Variants in BMAL2 observed in about 807,000 individuals in gnomAD.
BMAL2 encodes basic helix-loop-helix ARNT like 2.
chr12:27,382,259 A>T, the BMAL2 span, among the ~76,000 whole-genome samples: 4 of 152,186 alleles, frequency 2.6e-5, no homozygotes, highest in Admixed American at 6.5e-5. Context: ...GTCCTAAGGG[A>T]GGAAGACCTA....
the BMAL2 span, chr12:27,400,396 T>G: frequency 2.3e-5 from 16 of 683,444 alleles, no homozygotes; most frequent in East Asian, 4.7e-4. Flanking sequence ...TTCAATGGAA[T>G]ACCATTCCCC....
At chr12:27,369,681 G>A in the BMAL2 span, among the ~76,000 whole-genome samples, 3 of 152,136 alleles carry the variant, frequency 2.0e-5, no homozygotes, top group Non-Finnish European at 2.9e-5. Flanking sequence ...CTTTCTTGGT[G>A]TCTAAATATG....
the BMAL2 span, among the ~76,000 whole-genome samples, chr12:27,399,742 A>G: frequency 2.6e-5 from 4 of 152,204 alleles, no homozygotes; most frequent in African/African-American, 9.6e-5. Flanking sequence ...TGTTTCAAAT[A>G]ATTTTTATCA....
the BMAL2 span, among the ~76,000 whole-genome samples, chr12:27,416,902 G>A: frequency 6.6e-6 from 1 of 152,208 alleles, no homozygotes; most frequent in Non-Finnish European, 1.5e-5. Flanking sequence ...GTTTCAGGCT[G>A]AAGTGAGCTA....
chr12:27,403,578 AAAT>A, the BMAL2 span: 15 of 1,294,960 alleles, frequency 1.2e-5, no homozygotes, highest in Non-Finnish European at 1.5e-5. Flanking sequence ...TCAAAAGTAA[AAAT>A]ATCATATTTA....
At chr12:27,378,095 C>T in the BMAL2 span, among the ~76,000 whole-genome samples, 5 of 152,154 alleles carry the variant, frequency 3.3e-5, no homozygotes, top group Non-Finnish European at 7.4e-5. Flanking sequence ...TCTGGAGTTG[C>T]TGTGTGTTGT....
the BMAL2 span, among the ~76,000 whole-genome samples, chr12:27,388,440 G>A: frequency 7.2e-5 from 11 of 152,200 alleles, no homozygotes; most frequent in South Asian, 2.1e-3. Flanking sequence ...ATGTTTGCTT[G>A]GGTAATACAG....
At chr12:27,366,305 A>G in the BMAL2 span, among the ~76,000 whole-genome samples, 3 of 152,188 alleles carry the variant, frequency 2.0e-5, no homozygotes, top group South Asian at 2.1e-4. Context: ...ATAGTGCTCC[A>G]TATATGTCTA....
chr12:27,389,547 A>G, the BMAL2 span, among the ~76,000 whole-genome samples: 637 of 152,256 alleles, frequency 4.2e-3, 8 homozygotes, highest in Non-Finnish European at 6.4e-3. Flanking sequence ...CATATTTGCT[A>G]TTTTTCATAT....
At chr12:27,335,589 C>A in the BMAL2 span, among the ~76,000 whole-genome samples, 1 of 152,190 alleles carries the variant, frequency 6.6e-6, no homozygotes, top group Non-Finnish European at 1.5e-5. Flanking sequence ...TCAATTTTGC[C>A]TAAGCTCCTG....
chr12:27,407,661 C>T, the BMAL2 span, among the ~76,000 whole-genome samples: 3 of 151,974 alleles, frequency 2.0e-5, no homozygotes, highest in African/African-American at 7.3e-5. Context: ...AAAATTGACA[C>T]CCTAAAATCA....
chr12:27,376,843 A>G, the BMAL2 span, among the ~76,000 whole-genome samples: 1 of 151,918 alleles, frequency 6.6e-6, no homozygotes, highest in African/African-American at 2.4e-5. Context: ...TACTAAAAAT[A>G]CAAAAAATTA....
the BMAL2 span, chr12:27,424,745 G>C: frequency 6.6e-6 from 1 of 152,202 alleles, no homozygotes; most frequent in Non-Finnish European, 1.5e-5. Context: ...GTTACGGGCA[G>C]ACAGGCCGAC....
the BMAL2 span, among the ~76,000 whole-genome samples, chr12:27,353,335 CATATTCAGTAAACTGTGCTAGG>C: frequency 6.6e-6 from 1 of 152,128 alleles, no homozygotes; most frequent in East Asian, 1.9e-4. Flanking sequence ...GAAATGAGTC[CATATTCAGTAAACTGTGCTAGG>C]ATAACTGGCT....
At chr12:27,376,061 A>G in the BMAL2 span, among the ~76,000 whole-genome samples, 3 of 152,252 alleles carry the variant, frequency 2.0e-5, no homozygotes, top group Non-Finnish European at 2.9e-5. Flanking sequence ...TCATGAGATC[A>G]TATCTAATTA....
the BMAL2 span, among the ~76,000 whole-genome samples, chr12:27,386,323 A>C: frequency 1.8e-4 from 27 of 152,192 alleles, no homozygotes; most frequent in Non-Finnish European, 3.7e-4. Flanking sequence ...TCGTACCTTC[A>C]TGGAACCCTG....
chr12:27,335,732 A>T, the BMAL2 span, among the ~76,000 whole-genome samples: 1 of 150,896 alleles, frequency 6.6e-6, no homozygotes, highest in Non-Finnish European at 1.5e-5. Context: ...GAGTGAGAGG[A>T]GGGAGAAGGC....
the BMAL2 span, among the ~76,000 whole-genome samples, chr12:27,409,001 C>T: frequency 6.6e-6 from 1 of 152,116 alleles, no homozygotes; most frequent in Non-Finnish European, 1.5e-5. Flanking sequence ...ACAATTGCTT[C>T]AAAGAGAATA....
the BMAL2 span, among the ~76,000 whole-genome samples, chr12:27,397,848 T>G: frequency 3.3e-5 from 5 of 152,304 alleles, no homozygotes; most frequent in South Asian, 1.0e-3. Flanking sequence ...GAGGAAGAAG[T>G]GCAACAGTAC....
Sources: gnomAD v4.1 joint callset for allele counts (sites outside exome capture counted in the v4.1 genomes callset) on GRCh38, gnomAD v4.1.1 for gene constraint, MANE v1.5 for transcripts, NCBI Gene and HGNC (gene_info 2026-07-23, HGNC 2026-07-21) for gene names.